The following COA1 variants were observed in gnomAD, a reference collection of about 807,000 sequenced individuals.
The protein encoded by COA1 is cytochrome c oxidase assembly factor 1 homolog.
COA1 carries 13 observed loss-of-function variants against 16.0 expected under a neutral mutation model. The observed-to-expected ratio is 0.81, with a 90% CI of 0.53 to 1.29. The LOEUF (loss-of-function observed/expected upper bound fraction) is 1.29, where lower values mean the gene tolerates loss of function less well. COA1 is among the 50% of genes most tolerant of loss of function. The pLI, the probability that COA1 is intolerant of heterozygous loss-of-function variation, is 0.00. For synonymous variants in COA1, 65 were observed against 65.7 expected (o/e 0.99, Z 0.05); for missense variants, 179 against 177.0 (o/e 1.01, Z -0.06).
At chr7:43,707,901 G>A (rs1304091521) in intron 1 of COA1, among the ~76,000 whole-genome samples, 2 of 152,160 alleles carry the variant, frequency 1.3e-5, no homozygotes, top group African/African-American at 4.8e-5. Flanking sequence ...CACAGAGCAT[G>A]CATACATTCT....
chr7:43,699,748 G>A (rs902294155), intron 1 of COA1, among the ~76,000 whole-genome samples: 1 of 152,166 alleles, frequency 6.6e-6, no homozygotes, highest in Non-Finnish European at 1.5e-5. Context: ...TTCAGAACTA[G>A]AGCTATCTTA....
At chr7:43,711,557 T>C (rs1343205549) in intron 1 of COA1, 3 of 152,212 alleles carry the variant, frequency 2.0e-5, no homozygotes, top group Non-Finnish European at 2.9e-5. Flanking sequence ...ATGTATCAAA[T>C]AGTCATGTGT....
chr7:43,688,569 TAAGAC>T (rs1023851081), intron 1 of COA1, among the ~76,000 whole-genome samples: 1 of 152,006 alleles, frequency 6.6e-6, no homozygotes, highest in African/African-American at 2.4e-5. Flanking sequence ...TGCAGCCACA[TAAGAC>T]AAGAACAAAA....
At chr7:43,723,877 T>C (rs1473564406) in intron 1 of COA1, among the ~76,000 whole-genome samples, 1 of 152,124 alleles carries the variant, frequency 6.6e-6, no homozygotes, top group Admixed American at 6.5e-5. Context: ...CACTGAGCCA[T>C]GTTCATGGCA....
chr7:43,646,180 TGGAGAGGCCAAG>T (rs2089254888), intron 3 of COA1: 2 of 172,144 alleles, frequency 1.2e-5, no homozygotes, highest in Non-Finnish European at 2.5e-5. Flanking sequence ...GACCTGACCC[TGGAGAGGCCAAG>T]GGAATCCCCC....
At chr7:43,674,671 G>T (rs1374713101) in intron 1 of COA1, among the ~76,000 whole-genome samples, 1 of 152,204 alleles carries the variant, frequency 6.6e-6, no homozygotes, top group Non-Finnish European at 1.5e-5. Context: ...TGGAGGGTGT[G>T]ATTTGTGACA....
At position 43,674,570 on chromosome 7, in the gene COA1, C is replaced by G. The variant is rs996780288; in HGVS notation, c.-38-25918G>C. ...AAAACTGCAATGATATTACTGTGGG[C>G]AATGTGATGATAAACCACTCCTTGT... On this transcript the variant is annotated intron_variant, in intron 1 of 5. Coordinates refer to ENST00000223336, the MANE Select transcript of COA1 (RefSeq NM_018224.4). Among the ~76,000 whole-genome samples the G allele has an allele frequency of 2.7e-4, 41 of 152,134 alleles. 1 individual carries two copies. Among genetic ancestry groups the G allele is most frequent in the Admixed American group, 9.2e-4 (14 of 15,270 alleles).
At chr7:43,684,074 G>T (rs2093901612) in intron 1 of COA1, among the ~76,000 whole-genome samples, 1 of 152,100 alleles carries the variant, frequency 6.6e-6, no homozygotes, top group African/African-American at 2.4e-5. Context: ...TGTCAACTAG[G>T]GCAGCAGTCT....
intron 1 of COA1, among the ~76,000 whole-genome samples, chr7:43,722,872 C>A (rs2095538886): frequency 6.6e-6 from 1 of 152,276 alleles, no homozygotes; most frequent in East Asian, 1.9e-4. Flanking sequence ...ATCTGGGGAC[C>A]TTTCCAGTAC....
At chr7:43,623,388 CA>C (rs1482414905) in intron 6 of COA1, 1 of 568,640 alleles carries the variant, frequency 1.8e-6, no homozygotes, top group African/African-American at 1.9e-5. Context: ...GAAAAGTAAA[CA>C]AGTTAATTAC....
chr7:43,647,382 A>C, intron 3 of COA1, 153 bp downstream of exon 3: 1 of 651,326 alleles, frequency 1.5e-6, no homozygotes, highest in Non-Finnish European at 2.8e-6. Flanking sequence ...GATACAGAGG[A>C]AGCTATAGCC....
chr7:43,718,729 C>T (rs561838952), intron 1 of COA1, among the ~76,000 whole-genome samples: 73 of 152,244 alleles, frequency 4.8e-4, no homozygotes, highest in African/African-American at 9.9e-4. Flanking sequence ...CTTGGCTTTG[C>T]TACTTCTTGA....
Position 43,691,408 on chromosome 7 carries a change from GAAGGAAGA to G in COA1, c.-39+38013_-39+38020del, listed in dbSNP as rs1294519766. On this transcript the variant is annotated intron_variant, in intron 1 of 5. Coordinates refer to ENST00000223336, the MANE Select transcript of COA1 (RefSeq NM_018224.4). ...GGAAGGAAGGAAGGAAGGAAGGAAG[GAAGGAAGA>G]AAGAAAAAGAAAGAAAGAAAGAAAG... Among the ~76,000 whole-genome samples the G allele has an allele frequency of 1.4e-4, 14 of 99,232 alleles. 1 individual carries two copies. Among genetic ancestry groups the G allele is most frequent in the African/African-American group, 3.5e-4 (9 of 25,380 alleles). 65.1% of individuals were successfully genotyped at this position (99,232 alleles called of 152,430 possible).
At chr7:43,613,469 A>G (rs2083061977) in intron 6 of COA1, among the ~76,000 whole-genome samples, 1 of 152,148 alleles carries the variant, frequency 6.6e-6, no homozygotes, top group South Asian at 2.1e-4. Flanking sequence ...CCCTGAACCA[A>G]TCCCCACTGA....
At chr7:43,729,102 G>C (rs1164594379) in intron 1 of COA1, among the ~76,000 whole-genome samples, 1 of 152,200 alleles carries the variant, frequency 6.6e-6, no homozygotes, top group African/African-American at 2.4e-5. Flanking sequence ...ACCAACAAAA[G>C]TGCCCAGTCC....
chr7:43,640,544 C>T, intron 5 of COA1, 29 bp downstream of exon 5: 4 of 1,525,978 alleles, frequency 2.6e-6, no homozygotes, highest in Non-Finnish European at 3.6e-6. Flanking sequence ...TCCTCCCGCT[C>T]CCCCACTGCC....
At chr7:43,725,607 C>T (rs1259493942) in intron 1 of COA1, among the ~76,000 whole-genome samples, 1 of 152,128 alleles carries the variant, frequency 6.6e-6, no homozygotes, top group Non-Finnish European at 1.5e-5. Context: ...GCCTATAACC[C>T]CAGCACTTTA....
chr7:43,610,755 T>C (rs1382803325), intron 6 of COA1, among the ~76,000 whole-genome samples: 1 of 152,116 alleles, frequency 6.6e-6, no homozygotes, highest in African/African-American at 2.4e-5. Context: ...TATAAATTCA[T>C]ATATGTATAT....
chr7:43,661,496 G>A (rs796556872), intron 1 of COA1, among the ~76,000 whole-genome samples: 6 of 152,272 alleles, frequency 3.9e-5, no homozygotes, highest in South Asian at 2.1e-4. Flanking sequence ...TTAGCCAGGC[G>A]TGGTGGCGGG....
Sources: gnomAD v4.1 joint callset for allele counts (sites outside exome capture counted in the v4.1 genomes callset) on GRCh38, gnomAD v4.1.1 for gene constraint, MANE v1.5 for transcripts, NCBI Gene and HGNC (gene_info 2026-07-23, HGNC 2026-07-21) for gene names.